Variants in MBTPS1 observed in about 807,000 individuals in gnomAD.
MBTPS1 encodes membrane bound transcription factor peptidase, site 1.
In MBTPS1, 94 loss-of-function variants were observed where a neutral mutation model predicts 127.8. The ratio of observed to expected loss-of-function variants is 0.74; its 90% CI spans 0.62 to 0.87. The LOEUF (loss-of-function observed/expected upper bound fraction) is 0.87, where lower values mean the gene tolerates loss of function less well. MBTPS1 is among the 40% of genes least tolerant of loss of function. The probability of loss-of-function intolerance (pLI) is 0.00; values close to 1 mark genes in which losing one functional copy is unlikely to be tolerated. For synonymous variants in MBTPS1, 632 were observed against 509.4 expected, an observed-to-expected ratio of 1.24 and a Z score of -3.24; for missense variants, 1,636 against 1,353.2, an observed-to-expected ratio of 1.21 and a Z score of -3.28.
chr16:84,057,304 C>T (rs1406430791), intron 21 of MBTPS1: 1 of 152,240 alleles, frequency 6.6e-6, no homozygotes, highest in Non-Finnish European at 1.5e-5. Context: ...GAATCAATGA[C>T]ATTTAGGCTT....
At chr16:84,090,063 A>G (rs1295172631) in intron 8 of MBTPS1, among the ~76,000 whole-genome samples, 2 of 152,230 alleles carry the variant, frequency 1.3e-5, no homozygotes, top group East Asian at 1.9e-4. Flanking sequence ...ATTAGGCTAG[A>G]GTCCTATGAA....
intron 18 of MBTPS1, among the ~76,000 whole-genome samples, chr16:84,063,742 C>G (rs762593139): frequency 6.6e-6 from 1 of 151,972 alleles, no homozygotes; most frequent in Non-Finnish European, 1.5e-5. Flanking sequence ...AAGGTGCTGC[C>G]TCTATCTTAA....
chr16:84,109,347 CAGG>C (rs1317352315), intron 1 of MBTPS1: 1 of 152,152 alleles, frequency 6.6e-6, no homozygotes, highest in Admixed American at 6.5e-5. Flanking sequence ...AACAGGAAAA[CAGG>C]AGTCCACAAT....
chr16:84,055,628 T>G (rs2085510900), intron 22 of MBTPS1, among the ~76,000 whole-genome samples: 1 of 152,186 alleles, frequency 6.6e-6, no homozygotes, highest in Non-Finnish European at 1.5e-5. Flanking sequence ...CCAGGGCGGC[T>G]GCTGCCATTG....
At chr16:84,057,345 A>G (rs2085537352) in intron 21 of MBTPS1, 1 of 152,272 alleles carries the variant, frequency 6.6e-6, no homozygotes, top group Non-Finnish European at 1.5e-5. Flanking sequence ...TCTATGGGCT[A>G]TATTTCCATT....
At chr16:84,115,569 T>C (rs1181616801) in intron 1 of MBTPS1, among the ~76,000 whole-genome samples, 2 of 152,252 alleles carry the variant, frequency 1.3e-5, no homozygotes, top group Non-Finnish European at 2.9e-5. Context: ...GAAATCCTGA[T>C]TCATGCTACA....
At chr16:84,066,010 A>G (rs966978201) in intron 17 of MBTPS1, among the ~76,000 whole-genome samples, 1 of 152,238 alleles carries the variant, frequency 6.6e-6, no homozygotes, top group Non-Finnish European at 1.5e-5. Context: ...AAAGAAAAAT[A>G]CTATTAACAT....
At chr16:84,114,360 C>G (rs1387909048) in intron 1 of MBTPS1, among the ~76,000 whole-genome samples, 1 of 152,152 alleles carries the variant, frequency 6.6e-6, no homozygotes, top group East Asian at 1.9e-4. Flanking sequence ...AAAAAAAATT[C>G]ATCCCAATGT....
Position 84,093,281 on chromosome 16 carries a change from T to G in MBTPS1, c.753A>C (p.Thr251=). ...RTLDDGLGHG[T]FVAGVIASMR... is the part of the protein sequence containing the mutation. Reference sequence around the variant, plus strand: ...TGCTGGCTATCACACCTGCCACGAATGTGCCATGGCCCAACCCTGCAGTCC... The same window carrying G: ...TGCTGGCTATCACACCTGCCACGAAGGTGCCATGGCCCAACCCTGCAGTCC... Residue 251 remains threonine (T), a synonymous_variant, in exon 6 of 23, where the codon ACA becomes ACC. Coordinates refer to ENST00000343411, the MANE Select transcript of MBTPS1 (RefSeq NM_003791.4). 1 of 1,613,220 alleles carries G rather than the reference T, an allele frequency of 6.2e-7. No individual in the cohort carries two copies. Among genetic ancestry groups the G allele is most frequent in the Non-Finnish European group, 8.5e-7 (1 of 1,179,120 alleles).
chr16:84,059,206 G>T lies in MBTPS1; in HGVS notation c.2831+96C>A, dbSNP rs145771547. Reference sequence around the variant, plus strand: ...GACAAGCTTGAAGATCTGACAATTCGATAGTGATGTCAGTAAAATTCCATT... The same window carrying T: ...GACAAGCTTGAAGATCTGACAATTCTATAGTGATGTCAGTAAAATTCCATT... On this transcript the variant is annotated intron_variant, in intron 21 of 22. Coordinates refer to ENST00000343411, the MANE Select transcript of MBTPS1 (RefSeq NM_003791.4). 1.4e-4 allele frequency: 203 copies of T among 1,442,792 alleles called. 1 individual carries two copies. In the African/African-American group the frequency reaches 2.5e-3, roughly 18 times the overall value. 89.4% of individuals were successfully genotyped at this position (1,442,792 alleles called of 1,614,324 possible).
chr16:84,070,045 AAAAAG>A lies in MBTPS1; in HGVS notation c.1783-12_1783-8del, dbSNP rs758993867. 58 of 1,555,374 alleles carry A rather than the reference AAAAAG, an allele frequency of 3.7e-5. No homozygotes were observed. Among genetic ancestry groups the A allele is most frequent in the African/African-American group, 2.5e-4 (18 of 71,988 alleles). ...GTTCTGCACCATTTTTTGACTAAAA[AAAAAG>A]AAAAGAAACTTGAAACGCCCTCATT... On this transcript the variant is annotated splice_region_variant and splice_polypyrimidine_tract_variant and intron_variant, in intron 13 of 22. Coordinates refer to ENST00000343411, the MANE Select transcript of MBTPS1 (RefSeq NM_003791.4).
At chr16:84,105,754 AAGAGCAC>A (rs1389908539) in intron 1 of MBTPS1, among the ~76,000 whole-genome samples, 1 of 152,184 alleles carries the variant, frequency 6.6e-6, no homozygotes, top group Non-Finnish European at 1.5e-5. Flanking sequence ...AATGGCAGTG[AAGAGCAC>A]AGAGATAAAA....
At chr16:84,087,739 G>A (rs936682567) in intron 8 of MBTPS1, among the ~76,000 whole-genome samples, 20 of 152,100 alleles carry the variant, frequency 1.3e-4, no homozygotes, top group African/African-American at 2.2e-4. Context: ...CAAGGCTCAC[G>A]TTTTCCCTCC....
At chr16:84,097,650 T>C (rs537093763) in intron 3 of MBTPS1, among the ~76,000 whole-genome samples, 1 of 152,302 alleles carries the variant, frequency 6.6e-6, no homozygotes, top group East Asian at 1.9e-4. Context: ...TCAACTAAAA[T>C]ACCGCAATGT....
intron 1 of MBTPS1, among the ~76,000 whole-genome samples, chr16:84,110,162 A>G (rs1295126352): frequency 6.6e-6 from 1 of 152,232 alleles, no homozygotes. Flanking sequence ...CACTGCATAC[A>G]TAACCAGACC....
chr16:84,107,795 C>G (rs927173699), intron 1 of MBTPS1, among the ~76,000 whole-genome samples: 1 of 151,360 alleles, frequency 6.6e-6, no homozygotes, highest in Non-Finnish European at 1.5e-5. Flanking sequence ...GCCTCAACCT[C>G]TGAGGCTCAA....
At chr16:84,093,862 A>T (rs751796628) in intron 4 of MBTPS1, 41 bp from the exon 5 acceptor site, 13 of 1,399,772 alleles carry the variant, frequency 9.3e-6, no homozygotes, top group Non-Finnish European at 1.2e-5. Context: ...TGTTTGAAGA[A>T]ATCATCATTT....
At chr16:84,088,279 C>T (rs1401486425) in intron 8 of MBTPS1, among the ~76,000 whole-genome samples, 2 of 152,076 alleles carry the variant, frequency 1.3e-5, no homozygotes, top group African/African-American at 4.8e-5. Flanking sequence ...GAGATAATAG[C>T]AGCATGAAGT....
chr16:84,095,220 G>A (rs1390708676), intron 4 of MBTPS1, among the ~76,000 whole-genome samples: 1 of 152,222 alleles, frequency 6.6e-6, no homozygotes, highest in Admixed American at 6.5e-5. Flanking sequence ...TCCCCAAGAA[G>A]TGACAGACTT....
Sources: gnomAD v4.1 joint callset for allele counts (sites outside exome capture counted in the v4.1 genomes callset) on GRCh38, gnomAD v4.1.1 for gene constraint, MANE v1.5 for transcripts, NCBI Gene and HGNC (gene_info 2026-07-23, HGNC 2026-07-21) for gene names.